The following ROBO1 variants were observed in gnomAD, a reference collection of about 807,000 sequenced individuals.
The protein encoded by ROBO1 is roundabout homolog 1.
ROBO1 carries 149 observed loss-of-function variants against 195.9 expected under a neutral mutation model. The ratio of observed to expected loss-of-function variants is 0.76; its 90% CI spans 0.67 to 0.87. The LOEUF (loss-of-function observed/expected upper bound fraction) is 0.87, where lower values mean the gene tolerates loss of function less well. ROBO1 is among the 40% of genes least tolerant of loss of function. The pLI, the probability that ROBO1 is intolerant of heterozygous loss-of-function variation, is 0.00. For missense variants in ROBO1, 1,933 were observed against 2,068.3 expected (o/e 0.93, Z 1.27); for synonymous variants, 816 against 733.2 (o/e 1.11, Z -1.82).
chr3:79,442,986 C>A (rs915043982), intron 2 of ROBO1, among the ~76,000 whole-genome samples: 1 of 152,190 alleles, frequency 6.6e-6, no homozygotes, highest in Non-Finnish European at 1.5e-5. Context: ...TTGAAACAAA[C>A]ATTCTATTAA....
At chr3:79,386,211 A>G (rs2036738677) in intron 2 of ROBO1, among the ~76,000 whole-genome samples, 1 of 152,156 alleles carries the variant, frequency 6.6e-6, no homozygotes, top group African/African-American at 2.4e-5. Flanking sequence ...AAAAAATGGA[A>G]AACAACTTAC....
chr3:79,512,847 A>G (rs1202046384), intron 2 of ROBO1: 2 of 152,160 alleles, frequency 1.3e-5, no homozygotes, highest in African/African-American at 4.8e-5. Flanking sequence ...AAAAATATGA[A>G]TTGCTTTTCT....
At chr3:79,148,375 A>G (rs974418019) in intron 2 of ROBO1, among the ~76,000 whole-genome samples, 1 of 151,832 alleles carries the variant, frequency 6.6e-6, no homozygotes, top group Admixed American at 6.6e-5. Flanking sequence ...TGTGCATCTC[A>G]TATACTCAGG....
chr3:79,388,407 G>A lies in ROBO1; in HGVS notation c.88+201417C>T, dbSNP rs184416889. ...CCACCTCCTGTAATCAGCACCCCTG[G>A]GGATGGGTGTGAGGGGGGCAGGTAG... On this transcript the variant is annotated intron_variant, in intron 2 of 30. Transcript: ENST00000464233. Among the ~76,000 whole-genome samples the A allele has an allele frequency of 1.4e-4, 21 of 152,100 alleles. No individual in the cohort carries two copies. In the South Asian group the frequency reaches 1.7e-3, roughly 12 times the overall value.
intron 1 of ROBO1, among the ~76,000 whole-genome samples, chr3:79,595,126 T>C (rs1201882780): frequency 6.6e-6 from 1 of 151,892 alleles, no homozygotes; most frequent in Non-Finnish European, 1.5e-5. Context: ...TATGCACATA[T>C]GCACACATAT....
chr3:79,761,180 T>C (rs1330352374), intron 1 of ROBO1, among the ~76,000 whole-genome samples: 1 of 148,664 alleles, frequency 6.7e-6, no homozygotes, highest in East Asian at 1.9e-4. Flanking sequence ...TATATACTTA[T>C]AGTATTTATA....
At chr3:79,636,016 A>G (rs1945485494) in intron 1 of ROBO1, among the ~76,000 whole-genome samples, 1 of 152,104 alleles carries the variant, frequency 6.6e-6, no homozygotes, top group Non-Finnish European at 1.5e-5. Context: ...TTGTTATGCC[A>G]GTAGTCTTTC....
intron 2 of ROBO1, among the ~76,000 whole-genome samples, chr3:79,250,034 T>A (rs1036790396): frequency 1.3e-5 from 2 of 152,148 alleles, no homozygotes; most frequent in African/African-American, 4.8e-5. Flanking sequence ...CACTAGTTTT[T>A]GCTGGGAGAG....
chr3:79,640,379 G>C (rs1362774577), intron 1 of ROBO1, among the ~76,000 whole-genome samples: 1 of 128,288 alleles, frequency 7.8e-6, no homozygotes, highest in Non-Finnish European at 1.7e-5. Context: ...TGCCATGATG[G>C]TGGGTGCTCC....
At position 78,975,553 on chromosome 3, in the gene ROBO1, T is replaced by C. The variant is rs575049688; in HGVS notation, c.173-36626A>G. On this transcript the variant is annotated intron_variant, in intron 3 of 30. Coordinates refer to ENST00000464233, the MANE Select transcript of ROBO1 (RefSeq NM_002941.4). ...AGTTTCTTAACCTTAGTTTCCTGGT[T>C]TTAAAAAAAGGGAGAGGGGATAACC... is the stretch of plus-strand genomic sequence containing the variant. 9.3e-4 allele frequency among the ~76,000 whole-genome samples: 142 copies of C among 152,068 alleles called. 3 individuals carry two copies. The South Asian group carries it at 0.028, about 30-fold the overall frequency.
chr3:79,019,859 T>TTA (rs1553660589), intron 3 of ROBO1, among the ~76,000 whole-genome samples: 5 of 147,006 alleles, frequency 3.4e-5, no homozygotes, highest in African/African-American at 9.9e-5. Context: ...CATTCCCATT[T>TTA]AAAAAAAAAA....
chr3:79,209,735 G>C (rs1196075035), intron 2 of ROBO1, among the ~76,000 whole-genome samples: 1 of 152,010 alleles, frequency 6.6e-6, no homozygotes, highest in Non-Finnish European at 1.5e-5. Flanking sequence ...AACTGGAAAA[G>C]AGGAAGTCAA....
chr3:78,609,553 G>A (rs1010807664), intron 28 of ROBO1, among the ~76,000 whole-genome samples: 2 of 152,092 alleles, frequency 1.3e-5, no homozygotes, highest in African/African-American at 4.8e-5. Flanking sequence ...CACCTAACCA[G>A]GTAGTTATAC....
chr3:79,035,894 A>G (rs147549858), intron 3 of ROBO1, among the ~76,000 whole-genome samples: 2 of 152,212 alleles, frequency 1.3e-5, no homozygotes, highest in Non-Finnish European at 2.9e-5. Context: ...AAAGTGTTTA[A>G]CTAAAGGACT....
At chr3:78,739,538 C>T (rs1007349626) in intron 5 of ROBO1, among the ~76,000 whole-genome samples, 3 of 152,076 alleles carry the variant, frequency 2.0e-5, no homozygotes, top group Non-Finnish European at 4.4e-5. Context: ...TCCTAAGTGG[C>T]AAATGATGAC....
intron 2 of ROBO1, among the ~76,000 whole-genome samples, chr3:79,452,346 C>T (rs1285576744): frequency 2.6e-5 from 4 of 152,204 alleles, no homozygotes; most frequent in South Asian, 4.1e-4. Flanking sequence ...TCAGCTCTTT[C>T]TTCCCCCATC....
intron 2 of ROBO1, among the ~76,000 whole-genome samples, chr3:79,315,382 G>A (rs181366288): frequency 7.9e-5 from 12 of 152,282 alleles, no homozygotes; most frequent in Admixed American, 2.6e-4. Flanking sequence ...GACCACTTAC[G>A]GGACTGATGA....
At chr3:79,109,837 G>A (rs892653274) in intron 3 of ROBO1, among the ~76,000 whole-genome samples, 9 of 151,902 alleles carry the variant, frequency 5.9e-5, no homozygotes, top group Admixed American at 4.6e-4. Context: ...TTTCCTACTT[G>A]TATAATCATT....
intron 2 of ROBO1, among the ~76,000 whole-genome samples, chr3:79,351,948 CAT>C (rs2035359439): frequency 6.6e-6 from 1 of 152,168 alleles, no homozygotes; most frequent in African/African-American, 2.4e-5. Context: ...CAAATCAAGA[CAT>C]ACGTCTTTGC....
Sources: allele counts gnomAD v4.1 joint callset (sites outside exome capture counted in the v4.1 genomes callset), GRCh38; gene constraint gnomAD v4.1.1; transcripts MANE v1.5; gene names NCBI Gene and HGNC (gene_info 2026-07-23, HGNC 2026-07-21).